TGFBR2: variants seen among roughly 807,000 people sequenced by gnomAD.
TGFBR2 encodes TGF-beta receptor type-2.
Under a neutral mutation model 49.0 loss-of-function variants are expected in TGFBR2, and 18 were observed. The observed-to-expected ratio is 0.37, with a 90% CI of 0.25 to 0.54. The LOEUF (loss-of-function observed/expected upper bound fraction) is 0.54. Ranked by LOEUF, TGFBR2 falls within the 20% of genes least tolerant of loss-of-function variation. The pLI, the probability that TGFBR2 is intolerant of heterozygous loss-of-function variation, is 0.85. For synonymous variants in TGFBR2, 282 were observed against 275.9 expected (o/e 1.02, Z -0.22); for missense variants, 525 against 722.6 (o/e 0.73, Z 3.13).
At position 30,672,158 on chromosome 3, in the gene TGFBR2, C is replaced by A. The variant is rs532098604; in HGVS notation, c.975C>A (p.Thr325=). The A allele has an allele frequency of 6.2e-7, 1 of 1,614,164 alleles. No individual in the cohort carries two copies. Among genetic ancestry groups the A allele is most frequent in the Non-Finnish European group, 8.5e-7 (1 of 1,180,002 alleles). The change falls in exon 4 of 7, where the codon ACC becomes ACA. Residue 325 remains threonine (T), a synonymous_variant. Transcript: ENST00000295754. The surrounding 1 kb of genome is among the most constrained non-coding windows in gnomAD (Gnocchi z 4.5). ...TGGGGAAACAATACTGGCTGATCAC[C>A]GCCTTCCACGCCAAGGGCAACCTAC... ...TELGKQYWLI[T]AFHAKGNLQE... is the part of the protein sequence containing the mutation.
chr3:30,648,460 A>ACACACCACC (rs1553627538), intron 2 of TGFBR2, among the ~76,000 whole-genome samples: 1 of 142,384 alleles, frequency 7.0e-6, no homozygotes, highest in Non-Finnish European at 1.5e-5. Context: ...ACACACACAC[A>ACACACCACC]CAAAACTGTG....
chr3:30,642,776 G>C (rs540142158), intron 1 of TGFBR2, among the ~76,000 whole-genome samples: 4 of 152,062 alleles, frequency 2.6e-5, no homozygotes, highest in African/African-American at 7.2e-5. Flanking sequence ...TTCAAAAATT[G>C]ATCCAAGTAT....
chr3:30,607,812 AT>A (rs1559444142), intron 1 of TGFBR2, among the ~76,000 whole-genome samples: 5 of 139,106 alleles, frequency 3.6e-5, no homozygotes, highest in African/African-American at 1.4e-4. Flanking sequence ...ATATATATAT[AT>A]TATATATATA....
intron 1 of TGFBR2, among the ~76,000 whole-genome samples, chr3:30,609,900 A>G (rs190194819): frequency 5.3e-5 from 8 of 152,356 alleles, no homozygotes; most frequent in Admixed American, 2.6e-4. Context: ...TATACAAAAT[A>G]CTAATCACAT....
Position 30,639,064 on chromosome 3 carries a change from G to T in TGFBR2, c.95-5683G>T, listed in dbSNP as rs551673558. ...GGCTCAAGAGAAAAGCATATGGAAA[G>T]AACTGGAAGATGAGAAATGCCTGTA... On this transcript the variant is annotated intron_variant, in intron 1 of 6. Coordinates refer to ENST00000295754, the MANE Select transcript of TGFBR2 (RefSeq NM_003242.6). Among the ~76,000 whole-genome samples the T allele has an allele frequency of 3.9e-5, 6 of 152,334 alleles. No individual in the cohort carries two copies. In the South Asian group the frequency reaches 1.0e-3, roughly 26 times the overall value.
chr3:30,639,879 AT>A (rs1348831196), intron 1 of TGFBR2, among the ~76,000 whole-genome samples: 1 of 152,214 alleles, frequency 6.6e-6, no homozygotes, highest in Non-Finnish European at 1.5e-5. Context: ...AAACCTTGAG[AT>A]TTTACCTAAT....
chr3:30,663,677 A>G (rs1310521374), intron 3 of TGFBR2, among the ~76,000 whole-genome samples: 4 of 152,170 alleles, frequency 2.6e-5, no homozygotes, highest in Admixed American at 1.3e-4. Context: ...TTTTAGAGGA[A>G]GGGAGGGATC....
At chr3:30,625,915 A>G (rs925700209) in intron 1 of TGFBR2, among the ~76,000 whole-genome samples, 2 of 152,128 alleles carry the variant, frequency 1.3e-5, no homozygotes, top group African/African-American at 4.8e-5. Flanking sequence ...ATTTTTTCCT[A>G]TTGAATTCTC....
chr3:30,693,836 A>G lies in TGFBR2; in HGVS notation c.*2237A>G, dbSNP rs1043304936. On this transcript the variant is annotated 3_prime_UTR_variant, in exon 7 of 7. Transcript: ENST00000295754. Reference sequence around the variant, plus strand: ...GAGGATACTGTGGCTTGTTTTGTTTATGTTTTTTTTTCTTATTCAAGAAAA... The same window carrying G: ...GAGGATACTGTGGCTTGTTTTGTTTGTGTTTTTTTTTCTTATTCAAGAAAA... The G allele has an allele frequency of 9.2e-6, 2 of 217,394 alleles. No individual in the cohort carries two copies. Among genetic ancestry groups the G allele is most frequent in the African/African-American group, 4.8e-5 (2 of 41,270 alleles). 13.5% of individuals were successfully genotyped at this position (217,394 alleles called of 1,614,324 possible). A position where few individuals can be genotyped will look rare whatever the true frequency, so the allele number is the denominator to read the frequency against.
intron 1 of TGFBR2, among the ~76,000 whole-genome samples, chr3:30,623,040 AC>A (rs1291515996): frequency 6.6e-6 from 1 of 152,164 alleles, no homozygotes. Flanking sequence ...TAGTCTGATA[AC>A]TTTGAAGAAA....
chr3:30,620,721 C>T (rs377652366), intron 1 of TGFBR2, among the ~76,000 whole-genome samples: 3 of 152,074 alleles, frequency 2.0e-5, no homozygotes, highest in Admixed American at 6.6e-5. Flanking sequence ...CACCATCTCA[C>T]GCAGGACAAT....
chr3:30,625,579 T>TA (rs1185667915), intron 1 of TGFBR2, among the ~76,000 whole-genome samples: 2 of 152,152 alleles, frequency 1.3e-5, no homozygotes, highest in African/African-American at 4.8e-5. Flanking sequence ...TCCCACCCTT[T>TA]AAAAAGATAG....
chr3:30,681,214 T>G, intron 5 of TGFBR2, among the ~76,000 whole-genome samples: 1 of 137,296 alleles, frequency 7.3e-6, no homozygotes, highest in Non-Finnish European at 1.6e-5. Flanking sequence ...GGGAAGGGGC[T>G]GGGGGAAGAA....
intron 1 of TGFBR2, among the ~76,000 whole-genome samples, chr3:30,627,964 T>C (rs371040381): frequency 1.4e-4 from 21 of 152,088 alleles, no homozygotes; most frequent in African/African-American, 5.1e-4. Context: ...GTGGGACAGA[T>C]TAAATTACTT....
chr3:30,665,769 G>A (rs553682346), intron 3 of TGFBR2, among the ~76,000 whole-genome samples: 2 of 152,144 alleles, frequency 1.3e-5, no homozygotes, highest in Non-Finnish European at 2.9e-5. Context: ...CCCTTTTTGT[G>A]TGTCTGTGCC....
At chr3:30,634,845 T>G (rs1004789894) in intron 1 of TGFBR2, among the ~76,000 whole-genome samples, 1 of 152,208 alleles carries the variant, frequency 6.6e-6, no homozygotes, top group African/African-American at 2.4e-5. Flanking sequence ...AAAGTTATTA[T>G]TTTGAGAGTT....
At chr3:30,619,973 G>A (rs1480766794) in intron 1 of TGFBR2, among the ~76,000 whole-genome samples, 2 of 152,102 alleles carry the variant, frequency 1.3e-5, no homozygotes, top group East Asian at 3.9e-4. Flanking sequence ...GGATCACGAA[G>A]TCAGGAGATC....
At chr3:30,638,863 C>T (rs1434999714) in intron 1 of TGFBR2, among the ~76,000 whole-genome samples, 1 of 152,198 alleles carries the variant, frequency 6.6e-6, no homozygotes, top group Non-Finnish European at 1.5e-5. Context: ...TCTCAAGGGT[C>T]GGAGCTGCTG....
intron 5 of TGFBR2, among the ~76,000 whole-genome samples, chr3:30,688,174 A>T (rs996953832): frequency 6.6e-6 from 1 of 152,212 alleles, no homozygotes; most frequent in Admixed American, 6.5e-5. Flanking sequence ...AGTACTCAAC[A>T]ATCATTTATT....
Sources: allele counts gnomAD v4.1 joint callset (sites outside exome capture counted in the v4.1 genomes callset), GRCh38; gene constraint gnomAD v4.1.1; non-coding constraint Gnocchi (gnomAD v3.1); transcripts MANE v1.5; gene names NCBI Gene and HGNC (gene_info 2026-07-23, HGNC 2026-07-21).